R3HDM2: variants seen among roughly 807,000 people sequenced by gnomAD.
R3HDM2 encodes the protein R3H domain containing 2.
A neutral mutation model predicts 124.5 loss-of-function variants in R3HDM2; 38 were observed. The observed-to-expected ratio is 0.31, with a 90% CI of 0.24 to 0.40. R3HDM2 has a LOEUF of 0.40. R3HDM2 is among the 10% of genes least tolerant of loss of function. The pLI, the probability that R3HDM2 is intolerant of heterozygous loss-of-function variation, is 1.00. For synonymous variants in R3HDM2, 391 were observed against 448.0 expected (o/e 0.87, Z 1.61); for missense variants, 869 against 1,236.9 (o/e 0.70, Z 4.46).
chr12:57,337,603 A>G (rs919898984), intron 2 of R3HDM2, among the ~76,000 whole-genome samples: 3 of 152,152 alleles, frequency 2.0e-5, no homozygotes, highest in Non-Finnish European at 4.4e-5. Context: ...CCTCTATACC[A>G]TCAGCAAAAA....
intron 2 of R3HDM2, 131 bp from the exon 3 acceptor site, chr12:57,310,594 A>G (rs1472914268): frequency 4.7e-6 from 2 of 425,204 alleles, no homozygotes; most frequent in African/African-American, 2.1e-5. Flanking sequence ...TATTTAATAA[A>G]TGCTGTCCCT....
At chr12:57,330,785 G>A (rs1257298483) in intron 2 of R3HDM2, among the ~76,000 whole-genome samples, 3 of 129,998 alleles carry the variant, frequency 2.3e-5, no homozygotes, top group Admixed American at 9.5e-5. Context: ...TGCAAGCTCC[G>A]CCTCCCGGGT....
At chr12:57,400,760 C>T (rs2067976969) in intron 1 of R3HDM2, among the ~76,000 whole-genome samples, 1 of 151,940 alleles carries the variant, frequency 6.6e-6, no homozygotes, top group African/African-American at 2.4e-5. Flanking sequence ...ACTAACAAGC[C>T]ATAAAGGGCT....
chr12:57,268,816 G>A (rs1238491104), intron 17 of R3HDM2, 106 bp downstream of exon 17: 6 of 1,346,570 alleles, frequency 4.5e-6, no homozygotes, highest in Non-Finnish European at 6.1e-6. Context: ...GGGGAAAGTA[G>A]ACACTATTTT....
chr12:57,284,289 C>T (rs2046843594), intron 12 of R3HDM2, among the ~76,000 whole-genome samples: 1 of 152,148 alleles, frequency 6.6e-6, no homozygotes, highest in South Asian at 2.1e-4. Flanking sequence ...AGTGCACTGG[C>T]AACTAATTTA....
intron 10 of R3HDM2, among the ~76,000 whole-genome samples, chr12:57,294,085 C>A (rs2049211419): frequency 6.6e-6 from 1 of 152,158 alleles, no homozygotes; most frequent in Non-Finnish European, 1.5e-5. Flanking sequence ...GGGATAATAA[C>A]CCCCATCCTC....
At chr12:57,276,772 A>G (rs1350201286) in intron 14 of R3HDM2, among the ~76,000 whole-genome samples, 2 of 152,112 alleles carry the variant, frequency 1.3e-5, no homozygotes, top group South Asian at 2.1e-4. Flanking sequence ...CTGTAATCCC[A>G]GCTACTCAGG....
At chr12:57,412,697 A>G (rs1257557812) in intron 1 of R3HDM2, among the ~76,000 whole-genome samples, 1 of 152,074 alleles carries the variant, frequency 6.6e-6, no homozygotes, top group Non-Finnish European at 1.5e-5. Flanking sequence ...TTACCTGAGC[A>G]TAAGAGGGAT....
chr12:57,324,011 A>C (rs2056882156), intron 2 of R3HDM2, among the ~76,000 whole-genome samples: 1 of 151,896 alleles, frequency 6.6e-6, no homozygotes, highest in South Asian at 2.1e-4. Flanking sequence ...ACTGTTTCCA[A>C]CTCAACCCAG....
At chr12:57,420,616 T>C (rs564122221) in intron 1 of R3HDM2, among the ~76,000 whole-genome samples, 19 of 151,154 alleles carry the variant, frequency 1.3e-4, no homozygotes, top group African/African-American at 4.1e-4. Flanking sequence ...CCTAGGCCCA[T>C]AGTATTGGGA....
intron 22 of R3HDM2, 41 bp downstream of exon 22, chr12:57,256,373 A>T: frequency 6.9e-7 from 1 of 1,441,640 alleles, no homozygotes; most frequent in Non-Finnish European, 9.4e-7. Context: ...AAATAAGAAG[A>T]GGGGTCTGAT....
rs746288298 is a variant in R3HDM2 at position 57,339,696 on chromosome 12, T to TA, written c.-35-29234dup. Among the ~76,000 whole-genome samples, 516 of 131,054 alleles carry TA rather than the reference T, an allele frequency of 3.9e-3. 9 individuals are homozygous for TA. The East Asian group carries it at 0.054, about 14-fold the overall frequency. 86.0% of individuals were successfully genotyped at this position (131,054 alleles called of 152,430 possible). ...CTGGGTGACAGAGAAAGACTCCATC[T>TA]AAAAAAAAAAAAAAGAGAGAGAGAG... On this transcript the variant is annotated intron_variant, in intron 2 of 23. Transcript: ENST00000402412.
At chr12:57,406,731 T>C (rs1474173927) in intron 1 of R3HDM2, among the ~76,000 whole-genome samples, 3 of 152,198 alleles carry the variant, frequency 2.0e-5, no homozygotes, top group Admixed American at 2.0e-4. Context: ...GATGGAAGTA[T>C]ACAACACTGC....
intron 2 of R3HDM2, among the ~76,000 whole-genome samples, chr12:57,366,648 T>C (rs2062694799): frequency 6.6e-6 from 1 of 152,144 alleles, no homozygotes; most frequent in Non-Finnish European, 1.5e-5. Flanking sequence ...TGGTTTCTAG[T>C]TTTAAAATAT....
intron 2 of R3HDM2, among the ~76,000 whole-genome samples, chr12:57,375,660 A>C (rs2063952926): frequency 6.7e-6 from 1 of 148,814 alleles, no homozygotes; most frequent in South Asian, 2.1e-4. Context: ...GTACTTATCC[A>C]GGTCAGATCA....
intron 12 of R3HDM2, among the ~76,000 whole-genome samples, chr12:57,287,225 T>C (rs191425701): frequency 2.4e-4 from 37 of 152,350 alleles, no homozygotes; most frequent in Non-Finnish European, 3.5e-4. Flanking sequence ...TTGAGAGAAC[T>C]GAATCAGATA....
intron 2 of R3HDM2, among the ~76,000 whole-genome samples, chr12:57,377,010 T>C (rs1341573887): frequency 6.6e-6 from 1 of 151,564 alleles, no homozygotes; most frequent in East Asian, 1.9e-4. Flanking sequence ...TCCCCTTCCA[T>C]GCTGTGGAAG....
chr12:57,317,963 G>A (rs2055508057), intron 2 of R3HDM2, among the ~76,000 whole-genome samples: 1 of 144,464 alleles, frequency 6.9e-6, no homozygotes, highest in African/African-American at 2.6e-5. Context: ...CTGGGCAACA[G>A]AGCGAGACTC....
chr12:57,344,491 A>G (rs1431048730), intron 2 of R3HDM2, among the ~76,000 whole-genome samples: 3 of 152,236 alleles, frequency 2.0e-5, no homozygotes, highest in Non-Finnish European at 4.4e-5. Context: ...GTATAAGAAA[A>G]GAGATGAACA....
Sources: allele counts gnomAD v4.1 joint callset (sites outside exome capture counted in the v4.1 genomes callset), GRCh38; gene constraint gnomAD v4.1.1; transcripts MANE v1.5; gene names NCBI Gene and HGNC (gene_info 2026-07-23, HGNC 2026-07-21).